DYSF: variants seen among roughly 807,000 people sequenced by gnomAD.
DYSF encodes dysferlin.
A neutral mutation model predicts 274.9 loss-of-function variants in DYSF; 212 were observed. The ratio of observed to expected loss-of-function variants is 0.77; its 90% CI spans 0.69 to 0.86. DYSF has a LOEUF of 0.86. DYSF is among the 40% of genes least tolerant of loss of function. The probability of loss-of-function intolerance (pLI) is 0.00; values close to 1 mark genes in which losing one functional copy is unlikely to be tolerated. For synonymous variants in DYSF, 1,091 were observed against 1,078.7 expected (o/e 1.01, Z -0.22); for missense variants, 2,666 against 2,783.2 (o/e 0.96, Z 0.95).
At chr2:71,613,729 G>T (rs982621508) in intron 40 of DYSF, among the ~76,000 whole-genome samples, 1 of 152,072 alleles carries the variant, frequency 6.6e-6, no homozygotes, top group Non-Finnish European at 1.5e-5. Flanking sequence ...AGGAGCAAAT[G>T]AGAGAAGGAC....
chr2:71,588,498 G>A (rs1439154770), intron 30 of DYSF, among the ~76,000 whole-genome samples: 1 of 152,090 alleles, frequency 6.6e-6, no homozygotes, highest in Non-Finnish European at 1.5e-5. Context: ...CTGGGGAGAG[G>A]TTGAAATTCT....
At chr2:71,468,243 G>C (rs901078308) in intron 1 of DYSF, among the ~76,000 whole-genome samples, 1 of 152,194 alleles carries the variant, frequency 6.6e-6, no homozygotes, top group Non-Finnish European at 1.5e-5. Context: ...AATTCCCTAA[G>C]GACACTGGGC....
Position 71,682,585 on chromosome 2 carries a change from A to T in DYSF, c.6229A>T (p.Ile2077Phe). 2 of 1,613,928 alleles carry T rather than the reference A, an allele frequency of 1.2e-6. No individual in the cohort carries two copies. The highest frequency in any genetic ancestry group is 1.7e-6 in the Non-Finnish European group (2 of 1,179,952). ...CTCCCCATACAAGACCATGAAGTTC[A>T]TCCTGTGGCGGCGTTTCCGGTGGGC... The part of the protein sequence containing the change: ...FTSPYKTMKF[I>F]LWRRFRWAII... Residue 2077 changes from isoleucine to phenylalanine, a missense_variant, in exon 55 of 56, where the codon ATC becomes TTC. This residue lies in a region of DYSF where 1,460 missense variants were observed against 1,502.1 expected (regional missense o/e 0.97). Coordinates refer to ENST00000410020, the MANE Select transcript of DYSF (RefSeq NM_001130987.2).
Position 71,611,723 on chromosome 2 carries a change from G to A in DYSF, c.4221+97G>A, listed in dbSNP as rs991429908. The A allele has an allele frequency of 1.2e-5, 17 of 1,449,630 alleles. No individual in the cohort carries two copies. In the East Asian group the frequency reaches 2.9e-4, roughly 25 times the overall value. 89.8% of individuals were successfully genotyped at this position (1,449,630 alleles called of 1,614,324 possible). On this transcript the variant is annotated intron_variant, in intron 38 of 55. Transcript: ENST00000410020. ...TGGGGCTTGTGCTCCAATTCCCTGCGGGATCCAGGGTAGGACCCCTCACTT... is the reference window on the plus strand; with the variant it reads ...TGGGGCTTGTGCTCCAATTCCCTGCAGGATCCAGGGTAGGACCCCTCACTT...
intron 41 of DYSF, among the ~76,000 whole-genome samples, chr2:71,639,521 T>A (rs1005605555): frequency 1.3e-5 from 2 of 152,200 alleles, no homozygotes; most frequent in African/African-American, 2.4e-5. Flanking sequence ...TTTATAAATC[T>A]CATCAGTTGT....
intron 17 of DYSF, among the ~76,000 whole-genome samples, chr2:71,543,870 G>T (rs62143851): frequency 0.44 from 64,136 of 147,226 alleles, 16,828 homozygotes; most frequent in Non-Finnish European, 0.58. Context: ...GGGAGAGGGA[G>T]ACCGTGGGGA....
intron 16 of DYSF, among the ~76,000 whole-genome samples, chr2:71,538,393 T>C (rs1573834938): frequency 2.0e-5 from 3 of 152,158 alleles, no homozygotes; most frequent in African/African-American, 7.2e-5. Flanking sequence ...CCTACCCTGG[T>C]TGGGGAGCCA....
At chr2:71,602,401 C>T (rs2093568202) in intron 35 of DYSF, among the ~76,000 whole-genome samples, 1 of 152,162 alleles carries the variant, frequency 6.6e-6, no homozygotes, top group African/African-American at 2.4e-5. Flanking sequence ...CCTGGGGGTT[C>T]TAGGTTGGTT....
chr2:71,658,536 A>G (rs1431848812), intron 43 of DYSF, among the ~76,000 whole-genome samples: 1 of 152,206 alleles, frequency 6.6e-6, no homozygotes, highest in Non-Finnish European at 1.5e-5. Context: ...TTGGAAGAAA[A>G]AGAGGTTTAA....
rs952876333 is a variant in DYSF, at chr2:71,483,399, C to T, written c.239+1429C>T. ...GCAGCCCTGGACAGTGGGCAGTCCTCGAAGGCTTCCTGGAGGAGGGTCACT... is the reference window on the plus strand; with the variant it reads ...GCAGCCCTGGACAGTGGGCAGTCCTTGAAGGCTTCCTGGAGGAGGGTCACT... On this transcript the variant is annotated intron_variant, in intron 3 of 55. Coordinates refer to ENST00000410020, the MANE Select transcript of DYSF (RefSeq NM_001130987.2). Among the ~76,000 whole-genome samples the T allele has an allele frequency of 3.2e-4, 48 of 152,180 alleles. 1 individual carries two copies. Among genetic ancestry groups the T allele is most frequent in the African/African-American group, 9.2e-4 (38 of 41,444 alleles).
upstream of DYSF, among the ~76,000 whole-genome samples, chr2:71,462,634 C>T (rs1241570372): frequency 2.0e-5 from 3 of 152,170 alleles, no homozygotes; most frequent in Admixed American, 2.0e-4. Context: ...GTGGAGAGAG[C>T]TTCACTGAGT....
At chr2:71,635,919 T>G (rs1394652107) in intron 41 of DYSF, among the ~76,000 whole-genome samples, 2 of 152,084 alleles carry the variant, frequency 1.3e-5, no homozygotes, top group East Asian at 3.9e-4. Context: ...TAGGAATTCT[T>G]GAGACGGGAT....
intron 40 of DYSF, 104 bp from the exon 41 acceptor site, chr2:71,620,443 A>T: frequency 8.4e-7 from 1 of 1,183,942 alleles, no homozygotes; most frequent in Non-Finnish European, 1.2e-6. Context: ...CTGGAGGAAG[A>T]GCAGAGGGTG....
intron 41 of DYSF, among the ~76,000 whole-genome samples, chr2:71,637,666 T>C (rs1422030691): frequency 1.6e-4 from 24 of 151,972 alleles, no homozygotes; most frequent in Admixed American, 1.4e-3. Flanking sequence ...GGGGGGCTGA[T>C]GTGAAGTGGA....
intron 30 of DYSF, among the ~76,000 whole-genome samples, chr2:71,581,353 T>C (rs2092891231): frequency 6.6e-6 from 1 of 152,176 alleles, no homozygotes; most frequent in South Asian, 2.1e-4. Flanking sequence ...AGCTGTAAAT[T>C]AAATGGGGTT....
intron 29 of DYSF, among the ~76,000 whole-genome samples, chr2:71,572,207 C>T (rs1254147813): frequency 3.2e-5 from 4 of 124,708 alleles, no homozygotes; most frequent in Non-Finnish European, 6.4e-5. Context: ...ATCCAGCACA[C>T]CCAGCACAGA....
intron 11 of DYSF, 91 bp from the exon 12 acceptor site, chr2:71,520,698 T>G: frequency 9.2e-7 from 1 of 1,082,046 alleles, no homozygotes; most frequent in Non-Finnish European, 1.4e-6. Flanking sequence ...GTCCTTTACC[T>G]CCCCTGTGCA....
intron 23 of DYSF, among the ~76,000 whole-genome samples, chr2:71,563,119 A>T (rs551860675): frequency 6.6e-6 from 1 of 152,272 alleles, no homozygotes; most frequent in South Asian, 2.1e-4. Context: ...TGCATTTCTA[A>T]CAAGTTCCTG....
At chr2:71,545,454 T>C (rs2090391221) in intron 17 of DYSF, among the ~76,000 whole-genome samples, 1 of 152,174 alleles carries the variant, frequency 6.6e-6, no homozygotes, top group Non-Finnish European at 1.5e-5. Context: ...CCTTCCTCGC[T>C]GGGGGAACAA....
Sources: gnomAD v4.1 joint callset for allele counts (sites outside exome capture counted in the v4.1 genomes callset) on GRCh38, gnomAD v4.1.1 for gene constraint, gnomAD v4.1.1 regional missense constraint, MANE v1.5 for transcripts, NCBI Gene and HGNC (gene_info 2026-07-23, HGNC 2026-07-21) for gene names.